The following GPR39 variants were observed in gnomAD, a reference collection of about 807,000 sequenced individuals.
GPR39 encodes the protein zinc sensing receptor.
A neutral mutation model predicts 18.4 loss-of-function variants in GPR39; 23 were observed. The ratio of observed to expected loss-of-function variants is 1.25; its 90% CI spans 0.90 to 1.77. GPR39 has a LOEUF of 1.77. Ranked by LOEUF, GPR39 falls within the 40% of genes most tolerant of loss-of-function variation. GPR39 has a pLI of 0.00. For missense variants in GPR39, 647 were observed against 602.4 expected (o/e 1.07, Z -0.78); for synonymous variants, 280 against 257.9 (o/e 1.09, Z -0.82).
intron 1 of GPR39, among the ~76,000 whole-genome samples, chr2:132,434,308 T>A (rs1028710836): frequency 4.6e-5 from 7 of 152,218 alleles, no homozygotes; most frequent in African/African-American, 1.2e-4. Context: ...CTCCTGAGTC[T>A]TGAAGGGAAA....
In GPR39 at chr2:132,645,314, A is replaced by C; in HGVS notation, c.1070A>C (p.Gln357Pro). Residue 357 changes from glutamine to proline, a missense_variant, in exon 2 of 2, where the codon CAG becomes CCG. Gln to Pro is a moderately conservative substitution (Grantham distance 76, BLOSUM62 -1). Transcript: ENST00000329321. Reference sequence around the variant, plus strand: ...CAGCAGTTTCGGCGGGTGTTCGTGCAGGTGCTGTGCTGCCGCCTGTCGCTG... The same window carrying C: ...CAGCAGTTTCGGCGGGTGTTCGTGCCGGTGCTGTGCTGCCGCCTGTCGCTG... ...SSQQFRRVFVQVLCCRLSLQH... is the reference protein window; with the variant it reads ...SSQQFRRVFVPVLCCRLSLQH... 1 of 1,614,168 alleles carries C rather than the reference A, an allele frequency of 6.2e-7. No homozygotes were observed. The highest frequency in any genetic ancestry group is 8.5e-7 in the Non-Finnish European group (1 of 1,180,026).
chr2:132,636,097 AG>A (rs1371174141), intron 1 of GPR39, among the ~76,000 whole-genome samples: 1 of 152,240 alleles, frequency 6.6e-6, no homozygotes, highest in African/African-American at 2.4e-5. Context: ...AAGGGTAGAC[AG>A]AAACTACTTT....
chr2:132,531,838 A>G (rs961787497), intron 1 of GPR39, among the ~76,000 whole-genome samples: 28 of 152,248 alleles, frequency 1.8e-4, no homozygotes, highest in African/African-American at 5.5e-4. Flanking sequence ...TCTCTGGGAC[A>G]CATTCAAAGC....
At chr2:132,598,940 G>C (rs1395652962) in intron 1 of GPR39, among the ~76,000 whole-genome samples, 2 of 151,998 alleles carry the variant, frequency 1.3e-5, no homozygotes, top group Non-Finnish European at 2.9e-5. Context: ...GGGATGAGCT[G>C]CTGGAAAATG....
chr2:132,476,273 A>G (rs1681123738), intron 1 of GPR39, among the ~76,000 whole-genome samples: 1 of 152,188 alleles, frequency 6.6e-6, no homozygotes, highest in Non-Finnish European at 1.5e-5. Context: ...CCTGGTTCCA[A>G]AGTTTCTGGT....
chr2:132,599,128 A>G (rs1319367087), intron 1 of GPR39, among the ~76,000 whole-genome samples: 1 of 151,982 alleles, frequency 6.6e-6, no homozygotes, highest in Admixed American at 6.5e-5. Flanking sequence ...TCTAAGTTAT[A>G]AAGGGGGTGG....
chr2:132,527,766 C>G (rs915908580), intron 1 of GPR39, among the ~76,000 whole-genome samples: 1 of 152,168 alleles, frequency 6.6e-6, no homozygotes, highest in Admixed American at 6.5e-5. Flanking sequence ...TCATATCCTA[C>G]TCCCACTTTT....
chr2:132,478,685 G>C (rs1681175642), intron 1 of GPR39, among the ~76,000 whole-genome samples: 1 of 152,226 alleles, frequency 6.6e-6, no homozygotes, highest in Non-Finnish European at 1.5e-5. Context: ...TTTCAAGTGA[G>C]TTTAATTGAA....
At chr2:132,493,191 T>C (rs182326918) in intron 1 of GPR39, among the ~76,000 whole-genome samples, 1 of 137,564 alleles carries the variant, frequency 7.3e-6, no homozygotes, top group Non-Finnish European at 1.5e-5. Flanking sequence ...ACCATATATA[T>C]ACACCATATA....
intron 1 of GPR39, among the ~76,000 whole-genome samples, chr2:132,522,219 C>T (rs1473959863): frequency 6.6e-6 from 1 of 152,186 alleles, no homozygotes; most frequent in Non-Finnish European, 1.5e-5. Context: ...GAGATGCCCT[C>T]TCTGGGCTCC....
In GPR39 at chr2:132,611,418, C is replaced by T. The variant is rs548884346; in HGVS notation, c.857-33683C>T. On this transcript the variant is annotated intron_variant, in intron 1 of 1. Transcript: ENST00000329321. ...CTGCCGTCCTTTAGAGGTCATCTAT[C>T]ACCTGATTCCGTTTTTGTTTTCAAG... Among the ~76,000 whole-genome samples the T allele has an allele frequency of 2.0e-5, 3 of 152,306 alleles. No individual in the cohort carries two copies. In the East Asian group the frequency reaches 5.8e-4, roughly 29 times the overall value.
chr2:132,576,992 A>G (rs1680540224), intron 1 of GPR39, among the ~76,000 whole-genome samples: 3 of 151,696 alleles, frequency 2.0e-5, no homozygotes, highest in African/African-American at 7.3e-5. Context: ...CCAATACCAC[A>G]TTCTTGATTA....
intron 1 of GPR39, among the ~76,000 whole-genome samples, chr2:132,492,692 A>G (rs1291945242): frequency 1.6e-5 from 2 of 125,554 alleles, no homozygotes; most frequent in Non-Finnish European, 3.0e-5. Flanking sequence ...TATACACACC[A>G]TATATATATA....
chr2:132,539,352 G>C (rs368847319), intron 1 of GPR39, among the ~76,000 whole-genome samples: 1 of 152,222 alleles, frequency 6.6e-6, no homozygotes, highest in African/African-American at 2.4e-5. Context: ...CCCTGCTTCT[G>C]CTTGCTCTCC....
intron 1 of GPR39, among the ~76,000 whole-genome samples, chr2:132,535,911 A>G (rs1277007798): frequency 1.3e-5 from 2 of 148,662 alleles, no homozygotes; most frequent in East Asian, 2.0e-4. Flanking sequence ...CAGTGGTGCT[A>G]TCCCCTTTAT....
chr2:132,488,623 T>C (rs1681391757), intron 1 of GPR39: 1 of 152,452 alleles, frequency 6.6e-6, no homozygotes, highest in Non-Finnish European at 1.5e-5. Context: ...ATCTTGTCGT[T>C]TGGGGTGTTC....
intron 1 of GPR39, among the ~76,000 whole-genome samples, chr2:132,580,815 T>C (rs886766699): frequency 6.6e-6 from 1 of 151,532 alleles, no homozygotes; most frequent in Non-Finnish European, 1.5e-5. Flanking sequence ...TATAAAAATT[T>C]GCCGGGTGTG....
chr2:132,548,729 G>A (rs1679989755), intron 1 of GPR39, among the ~76,000 whole-genome samples: 1 of 152,300 alleles, frequency 6.6e-6, no homozygotes, highest in African/African-American at 2.4e-5. Flanking sequence ...TGCTTTCTAG[G>A]TTTTGTTGTA....
chr2:132,481,564 T>A (rs1404390988), intron 1 of GPR39, among the ~76,000 whole-genome samples: 3 of 152,210 alleles, frequency 2.0e-5, no homozygotes. Flanking sequence ...GAATTTTTGT[T>A]ACTGATATTT....
Sources: allele counts gnomAD v4.1 joint callset (sites outside exome capture counted in the v4.1 genomes callset), GRCh38; gene constraint gnomAD v4.1.1; transcripts MANE v1.5; gene names NCBI Gene and HGNC (gene_info 2026-07-23, HGNC 2026-07-21).